TPD52: variants seen among roughly 807,000 people sequenced by gnomAD.
TPD52 encodes the protein prostate and colon associated protein.
In TPD52, 17 loss-of-function variants were observed where a neutral mutation model predicts 31.3. That is an observed-to-expected ratio of 0.54 (90% CI 0.37 to 0.82). The LOEUF is 0.82. Ranked by LOEUF, TPD52 falls within the 40% of genes least tolerant of loss-of-function variation. The pLI is 0.00. For synonymous variants in TPD52, 83 were observed against 89.6 expected (o/e 0.93, Z 0.42); for missense variants, 212 against 240.1 (o/e 0.88, Z 0.77).
At chr8:80,149,077 C>CA (rs892437727) in intron 1 of TPD52, among the ~76,000 whole-genome samples, 48 of 151,176 alleles carry the variant, frequency 3.2e-4, no homozygotes, top group African/African-American at 8.5e-4. Context: ...CAAAACCAAA[C>CA]AAAAAAAAAG....
At chr8:80,076,635 GAA>G (rs1814570191) in intron 1 of TPD52, among the ~76,000 whole-genome samples, 1 of 152,030 alleles carries the variant, frequency 6.6e-6, no homozygotes, top group Admixed American at 6.5e-5. Flanking sequence ...ACCCATATAA[GAA>G]GCCTGTACAT....
chr8:80,082,736 G>GCC (rs1815420883), intron 1 of TPD52, among the ~76,000 whole-genome samples: 3 of 152,344 alleles, frequency 2.0e-5, no homozygotes, highest in Admixed American at 2.0e-4. Context: ...ACAGGCGCCT[G>GCC]TGCCTATCCA....
intron 1 of TPD52, among the ~76,000 whole-genome samples, chr8:80,160,812 G>A (rs1811297673): frequency 6.7e-6 from 1 of 150,210 alleles, no homozygotes; most frequent in South Asian, 2.1e-4. Flanking sequence ...GGGAGGCCAA[G>A]GAGGGTGGAT....
intron 1 of TPD52, among the ~76,000 whole-genome samples, chr8:80,111,005 A>G (rs1331801388): frequency 6.6e-6 from 1 of 152,192 alleles, no homozygotes; most frequent in Non-Finnish European, 1.5e-5. Flanking sequence ...CAGGAGTTCA[A>G]GATTAGCCTG....
chr8:80,145,777 G>A (rs1274359216), intron 1 of TPD52, among the ~76,000 whole-genome samples: 1 of 152,110 alleles, frequency 6.6e-6, no homozygotes, highest in Non-Finnish European at 1.5e-5. Context: ...TCACTTGTCC[G>A]AGATGAAAGG....
rs141721881 is a variant in TPD52 at position 80,144,466 on chromosome 8, G to T, written c.19+26959C>A. ...TAAATGACCTTTTGCTCCTGCTCCT[G>T]TTCCTGAGGGCCTGTCTTTGTCACA... is the stretch of plus-strand genomic sequence containing the variant. On this transcript the variant is annotated intron_variant, in intron 1 of 7. Transcript: ENST00000518937. Among the ~76,000 whole-genome samples the T allele has an allele frequency of 1.8e-4, 27 of 152,290 alleles. No homozygotes were observed. The East Asian group carries it at 5.2e-3, about 29-fold the overall frequency.
intron 1 of TPD52, among the ~76,000 whole-genome samples, chr8:80,070,823 A>G (rs1369379038): frequency 6.6e-6 from 1 of 152,220 alleles, no homozygotes; most frequent in African/African-American, 2.4e-5. Context: ...GCCTTTAAAG[A>G]TGTCTTCAAT....
intron 1 of TPD52, among the ~76,000 whole-genome samples, chr8:80,139,306 A>C (rs1287494695): frequency 6.6e-6 from 1 of 152,166 alleles, no homozygotes; most frequent in Non-Finnish European, 1.5e-5. Flanking sequence ...AGTATGGTTC[A>C]CTGGTTTTTA....
intron 5 of TPD52, among the ~76,000 whole-genome samples, 163 bp from the exon 6 acceptor site, chr8:80,044,371 A>G (rs1198718678): frequency 2.6e-5 from 4 of 152,140 alleles, no homozygotes; most frequent in African/African-American, 9.7e-5. Flanking sequence ...ATTCCAACAT[A>G]ATTTACTTTT....
In TPD52 at chr8:80,036,669, T is replaced by A. The variant is rs1327623726; in HGVS notation, c.*1447A>T. On this transcript the variant is annotated 3_prime_UTR_variant, in exon 8 of 8. Coordinates refer to ENST00000518937, the MANE Select transcript of TPD52 (RefSeq NM_001025253.3). ...TTGCATCCAAAGTACTAACAAAAACTCTAGCAATCAAGAATGGCAGCATGT... is the reference window on the plus strand; with the variant it reads ...TTGCATCCAAAGTACTAACAAAAACACTAGCAATCAAGAATGGCAGCATGT... The A allele has an allele frequency of 6.6e-6, 1 of 152,552 alleles. No homozygotes were observed. Among genetic ancestry groups the A allele is most frequent in the South Asian group, 2.1e-4 (1 of 4,824 alleles). The allele number at this position is 152,552 out of a possible 1,614,324, so 9.4% of individuals were successfully genotyped here.
At chr8:80,056,689 A>T (rs1226319478) in intron 2 of TPD52, among the ~76,000 whole-genome samples, 5 of 151,998 alleles carry the variant, frequency 3.3e-5, no homozygotes, top group African/African-American at 7.3e-5. Flanking sequence ...GGTTACAATT[A>T]AAAAAAACAG....
intron 1 of TPD52, among the ~76,000 whole-genome samples, chr8:80,139,011 C>G (rs1014553501): frequency 6.6e-6 from 1 of 152,182 alleles, no homozygotes; most frequent in Non-Finnish European, 1.5e-5. Flanking sequence ...GACAAAGGAG[C>G]CACCGTCTCA....
At chr8:80,043,361 G>C (rs1810557660) in intron 6 of TPD52, among the ~76,000 whole-genome samples, 1 of 151,998 alleles carries the variant, frequency 6.6e-6, no homozygotes, top group Non-Finnish European at 1.5e-5. Context: ...TTGGAAACAG[G>C]GTTTCCAATG....
Position 80,074,952 on chromosome 8 carries a change from C to T in TPD52, c.20-10359G>A, listed in dbSNP as rs190021345. Among the ~76,000 whole-genome samples, 37 of 152,150 alleles carry T rather than the reference C, an allele frequency of 2.4e-4. No individual in the cohort carries two copies. In the East Asian group the frequency reaches 5.4e-3, roughly 22 times the overall value. ...AGGGAAGACCCAAGCTCCTCACAAG[C>T]GTAAGGGGACAATGTCTGGGTTATT... is the stretch of plus-strand genomic sequence containing the variant. On this transcript the variant is annotated intron_variant, in intron 1 of 7. Transcript: ENST00000518937.
At chr8:80,118,097 G>A (rs1211640601) in intron 1 of TPD52, among the ~76,000 whole-genome samples, 1 of 152,090 alleles carries the variant, frequency 6.6e-6, no homozygotes, top group Non-Finnish European at 1.5e-5. Flanking sequence ...ATGTGTTATA[G>A]ATATAAGAAT....
At chr8:80,169,703 G>C (rs576968286) in intron 1 of TPD52, among the ~76,000 whole-genome samples, 1 of 152,124 alleles carries the variant, frequency 6.6e-6, no homozygotes, top group East Asian at 1.9e-4. Context: ...AATACACATG[G>C]GCACGTTTGT....
In TPD52 at chr8:80,038,020, C is replaced by T; in HGVS notation, c.*96G>A. ...GAATATGTAAAGCTAAATAAAAGCA[C>T]ATCTGGTAGAAATTCATGGCAATGC... On this transcript the variant is annotated 3_prime_UTR_variant, in exon 8 of 8. Transcript: ENST00000518937. 2.0e-6 allele frequency: 3 copies of T among 1,523,418 alleles called. No homozygotes were observed. Among genetic ancestry groups the T allele is most frequent in the South Asian group, 2.4e-5 (2 of 82,042 alleles). The allele number at this position is 1,523,418 out of a possible 1,614,324, so 94.4% of individuals were successfully genotyped here. A position where few individuals can be genotyped will look rare whatever the true frequency, so the allele number is the denominator to read the frequency against.
intron 1 of TPD52, among the ~76,000 whole-genome samples, chr8:80,156,947 A>G (rs1811014189): frequency 6.6e-6 from 1 of 152,110 alleles, no homozygotes; most frequent in Non-Finnish European, 1.5e-5. Context: ...CCAGGCCTGC[A>G]GGAATGGGGG....
At chr8:80,116,229 G>A (rs1349842166) in intron 1 of TPD52, among the ~76,000 whole-genome samples, 1 of 152,114 alleles carries the variant, frequency 6.6e-6, no homozygotes, top group African/African-American at 2.4e-5. Flanking sequence ...ACACTATGTG[G>A]TCACTAAAAG....
Sources: gnomAD v4.1 joint callset for allele counts (sites outside exome capture counted in the v4.1 genomes callset) on GRCh38, gnomAD v4.1.1 for gene constraint, MANE v1.5 for transcripts, NCBI Gene and HGNC (gene_info 2026-07-23, HGNC 2026-07-21) for gene names.